The following MAP3K13 variants were observed in gnomAD, a reference collection of about 807,000 sequenced individuals.
MAP3K13 encodes the protein mitogen-activated protein kinase kinase kinase 13.
In MAP3K13, 52 loss-of-function variants were observed where a neutral mutation model predicts 104.0. The ratio of observed to expected loss-of-function variants is 0.50; its 90% CI spans 0.40 to 0.63. The LOEUF is 0.63. Ranked by LOEUF, MAP3K13 falls within the 20% of genes least tolerant of loss-of-function variation. MAP3K13 has a pLI of 0.00. For synonymous variants in MAP3K13, 394 were observed against 442.2 expected (o/e 0.89, Z 1.37); for missense variants, 914 against 1,218.5 (o/e 0.75, Z 3.72).
chr3:185,307,630 G>A lies in MAP3K13; in HGVS notation c.-86+21987G>A, dbSNP rs1344827701. On this transcript the variant is annotated intron_variant, in intron 2 of 14. Transcript: ENST00000424227. ...GTGATCTCGGCTCCCTGCAACCTCC[G>A]CCTCCCAGGTTAAAGCAATTCTCCT... Among the ~76,000 whole-genome samples the A allele has an allele frequency of 3.3e-5, 4 of 122,142 alleles. No homozygotes were observed. In the East Asian group the frequency reaches 8.1e-4, roughly 25 times the overall value. The allele number at this position is 122,142 out of a possible 152,430, so 80.1% of individuals were successfully genotyped here.
At chr3:185,362,589 T>A (rs1265267977), upstream of MAP3K13, among the ~76,000 whole-genome samples, 4 of 152,206 alleles carry the variant, frequency 2.6e-5, no homozygotes, top group Non-Finnish European at 4.4e-5. Context: ...ATTTTCCATA[T>A]GTCTGTTTTC....
At position 185,423,586 on chromosome 3, in the gene MAP3K13, A is replaced by G. The variant is rs76955956; in HGVS notation, c.-85-4911A>G. 2.8e-3 allele frequency among the ~76,000 whole-genome samples: 426 copies of G among 152,316 alleles called. 1 individual carries two copies. The highest frequency in any genetic ancestry group is 9.9e-3 in the African/African-American group (413 of 41,576). ...AATGGTGTCTGTAACAAAGGGCTCCAGTTTTTCTTCTTTCTTCCCCCTGCC... is the reference window on the plus strand; with the variant it reads ...AATGGTGTCTGTAACAAAGGGCTCCGGTTTTTCTTCTTTCTTCCCCCTGCC... On this transcript the variant is annotated intron_variant, in intron 1 of 13. Coordinates refer to ENST00000265026, the MANE Select transcript of MAP3K13 (RefSeq NM_004721.5). The surrounding 1 kb of genome is among the most constrained non-coding windows in gnomAD (Gnocchi z 4.1).
At chr3:185,325,661 T>C (rs1158164535) in intron 2 of MAP3K13, among the ~76,000 whole-genome samples, 1 of 152,186 alleles carries the variant, frequency 6.6e-6, no homozygotes, top group Non-Finnish European at 1.5e-5. Context: ...TTCTGGAACT[T>C]GAAGCAGAGG....
At chr3:185,378,748 G>T (rs1431018389) in intron 1 of MAP3K13, among the ~76,000 whole-genome samples, 1 of 151,196 alleles carries the variant, frequency 6.6e-6, no homozygotes, top group Non-Finnish European at 1.5e-5. Context: ...GCAGAGACTA[G>T]GGAGGGACCG....
rs555602523 is a variant in MAP3K13 at position 185,336,391 on chromosome 3, A to AGT, written c.-86+50748_-86+50749insGT. ...ACCCCATCTCTACTAAAAATACAAA[A>AGT]ATTAGCTGGGCATGGTGGCACATGC... On this transcript the variant is annotated intron_variant, in intron 2 of 14. Coordinates refer to the MAP3K13 transcript ENST00000424227. Among the ~76,000 whole-genome samples, 381 of 151,966 alleles carry AGT rather than the reference A, an allele frequency of 2.5e-3. 1 individual carries two copies. The highest frequency in any genetic ancestry group is 4.2e-3 in the Non-Finnish European group (288 of 67,954).
Position 185,374,783 on chromosome 3 carries a change from C to T in MAP3K13, c.-86+11415C>T, listed in dbSNP as rs115454976. Among the ~76,000 whole-genome samples the T allele has an allele frequency of 3.4e-3, 520 of 151,464 alleles. 3 individuals carry two copies. The highest frequency in any genetic ancestry group is 0.012 in the African/African-American group (504 of 41,168). On this transcript the variant is annotated intron_variant, in intron 1 of 13. Coordinates refer to ENST00000265026, the MANE Select transcript of MAP3K13 (RefSeq NM_004721.5). ...CCTTTTTTTTTAGCAGTGAGTAAGT[C>T]AATACCTTGGTGATTTTGGAGGAAA...
At position 185,357,110 on chromosome 3, in the gene MAP3K13, TC is replaced by T. The variant is rs143231818; in HGVS notation, c.-85-71386del. Reference sequence around the variant, plus strand: ...AGAGAGTTAAGAAGTTTTTTTTTTTTCTCTCTCTCTCTCTCTTTTTACATGA... The same window carrying T: ...AGAGAGTTAAGAAGTTTTTTTTTTTTTCTCTCTCTCTCTCTTTTTACATGA... On this transcript the variant is annotated intron_variant, in intron 2 of 14. Coordinates refer to the MAP3K13 transcript ENST00000424227. Among the ~76,000 whole-genome samples, 514 of 147,702 alleles carry T rather than the reference TC, an allele frequency of 3.5e-3. 1 individual carries two copies. The highest frequency in any genetic ancestry group is 0.013 in the African/African-American group (500 of 39,034).
At chr3:185,457,951 C>T (rs1401898951) in intron 7 of MAP3K13, among the ~76,000 whole-genome samples, 1 of 152,188 alleles carries the variant, frequency 6.6e-6, no homozygotes, top group East Asian at 1.9e-4. Context: ...TAAACCTCAG[C>T]TTATTCACCA....
chr3:185,424,284 A>T (rs997670145), intron 1 of MAP3K13, among the ~76,000 whole-genome samples: 2 of 152,210 alleles, frequency 1.3e-5, no homozygotes, highest in Non-Finnish European at 2.9e-5. Context: ...TCAAAAACTT[A>T]GATCAAATGA....
intron 11 of MAP3K13, among the ~76,000 whole-genome samples, chr3:185,476,189 G>A (rs917132548): frequency 2.6e-5 from 4 of 151,676 alleles, no homozygotes; most frequent in African/African-American, 7.3e-5. Context: ...TACCATCTAC[G>A]GGTCTTTAGG....
At chr3:185,407,170 G>C (rs576430653) in intron 1 of MAP3K13, among the ~76,000 whole-genome samples, 230 of 152,222 alleles carry the variant, frequency 1.5e-3, no homozygotes, top group African/African-American at 5.3e-3. Flanking sequence ...GTGAACCTTG[G>C]ATATAAATAA....
At chr3:185,335,135 C>T (rs564294315) in intron 2 of MAP3K13, among the ~76,000 whole-genome samples, 73 of 151,786 alleles carry the variant, frequency 4.8e-4, no homozygotes, top group African/African-American at 1.7e-3. Flanking sequence ...ATTAAATGAA[C>T]TTATTGCAAG....
chr3:185,462,492 G>A (rs1717163252), intron 7 of MAP3K13, among the ~76,000 whole-genome samples: 1 of 151,988 alleles, frequency 6.6e-6, no homozygotes, highest in African/African-American at 2.4e-5. Flanking sequence ...ACAAAACAGG[G>A]CCGGGTGCGG....
intron 1 of MAP3K13, among the ~76,000 whole-genome samples, chr3:185,424,226 T>C (rs1020107692): frequency 6.6e-6 from 1 of 152,162 alleles, no homozygotes; most frequent in Admixed American, 6.5e-5. Context: ...TTTCCTTCCA[T>C]GAAAAATAGG....
chr3:185,416,511 A>G (rs756332762), intron 1 of MAP3K13, among the ~76,000 whole-genome samples: 2 of 152,092 alleles, frequency 1.3e-5, no homozygotes, highest in Non-Finnish European at 2.9e-5. Flanking sequence ...AGTGATTACA[A>G]TTTGAATCCA....
At chr3:185,383,430 C>T (rs1377655236) in intron 1 of MAP3K13, among the ~76,000 whole-genome samples, 2 of 151,842 alleles carry the variant, frequency 1.3e-5, no homozygotes, top group African/African-American at 2.4e-5. Flanking sequence ...GGCGTGGTGG[C>T]GGGCACCTGT....
intron 5 of MAP3K13, among the ~76,000 whole-genome samples, chr3:185,449,371 TAAAAAAAAA>T (rs61621090): frequency 0.06 from 4,827 of 80,788 alleles, 140 homozygotes; most frequent in Middle Eastern, 0.11. Context: ...AGATGCTGTC[TAAAAAAAAA>T]AAAAAAAAAA....
intron 1 of MAP3K13, among the ~76,000 whole-genome samples, chr3:185,400,750 A>G (rs1712745550): frequency 6.6e-6 from 1 of 151,932 alleles, no homozygotes; most frequent in African/African-American, 2.4e-5. Flanking sequence ...TTGTTTTAGC[A>G]CTTCTAATTA....
intron 1 of MAP3K13, among the ~76,000 whole-genome samples, chr3:185,363,914 G>A (rs1723754310): frequency 6.6e-6 from 1 of 152,182 alleles, no homozygotes; most frequent in South Asian, 2.1e-4. Context: ...CTTATGACGG[G>A]AGCCATAGTG....
Sources: gnomAD v4.1 joint callset for allele counts (sites outside exome capture counted in the v4.1 genomes callset) on GRCh38, gnomAD v4.1.1 for gene constraint, Gnocchi (gnomAD v3.1) non-coding constraint, MANE v1.5 for transcripts, NCBI Gene and HGNC (gene_info 2026-07-23, HGNC 2026-07-21) for gene names.